The following SUGCT variants were observed in gnomAD, a reference collection of about 807,000 sequenced individuals.
SUGCT encodes the protein succinyl-CoA:glutarate-CoA transferase, also known as succinyl-CoA:glutarate CoA-transferase.
Under a neutral mutation model 55.0 loss-of-function variants are expected in SUGCT, and 41 were observed. The ratio of observed to expected loss-of-function variants is 0.74; its 90% CI spans 0.58 to 0.97. The LOEUF is 0.97. Among genes scored for constraint, SUGCT ranks in the 50% least tolerant of loss-of-function variants. The pLI, the probability that SUGCT is intolerant of heterozygous loss-of-function variation, is 0.00. For missense variants in SUGCT, 568 were observed against 547.8 expected, an observed-to-expected ratio of 1.04 and a Z score of -0.37; for synonymous variants, 187 against 200.4, an observed-to-expected ratio of 0.93 and a Z score of 0.56.
At chr7:40,703,545 A>G (rs563531073) in intron 12 of SUGCT, among the ~76,000 whole-genome samples, 1 of 152,310 alleles carries the variant, frequency 6.6e-6, no homozygotes, top group South Asian at 2.1e-4. Flanking sequence ...GAAAAGTGAT[A>G]AACTCCTTTC....
chr7:40,177,649 C>G (rs1784992846), intron 1 of SUGCT, among the ~76,000 whole-genome samples: 1 of 152,182 alleles, frequency 6.6e-6, no homozygotes, highest in Non-Finnish European at 1.5e-5. Flanking sequence ...TCCCATACCG[C>G]AATGCAAGTG....
At chr7:40,933,491 T>G in the SUGCT span, among the ~76,000 whole-genome samples, 1 of 152,194 alleles carries the variant, frequency 6.6e-6, no homozygotes, top group South Asian at 2.1e-4. Flanking sequence ...CCTTGCTAGG[T>G]TGGGGAAGTT....
In SUGCT at chr7:40,591,650, G is replaced by A. The variant is rs1194585049; in HGVS notation, c.1089+95264G>A. ...GTCAATCAATGCAGTAAACTTCATT[G>A]TTCTCTTATTTGAGGAAATTGCCAC... On this transcript the variant is annotated intron_variant, in intron 12 of 13. Coordinates refer to ENST00000335693, the MANE Select transcript of SUGCT (RefSeq NM_001193313.2). 3.3e-5 allele frequency among the ~76,000 whole-genome samples: 5 copies of A among 152,186 alleles called. No homozygotes were observed. In the East Asian group the frequency reaches 9.7e-4, roughly 29 times the overall value.
At chr7:40,700,626 G>C (rs1177301967) in intron 12 of SUGCT, among the ~76,000 whole-genome samples, 1 of 152,220 alleles carries the variant, frequency 6.6e-6, no homozygotes, top group Non-Finnish European at 1.5e-5. Context: ...CCTGGAAAAT[G>C]AAGAAACATA....
At chr7:40,901,315 C>G in the SUGCT span, among the ~76,000 whole-genome samples, 1 of 152,234 alleles carries the variant, frequency 6.6e-6, no homozygotes, top group Admixed American at 6.5e-5. Context: ...CTCCTGTTTT[C>G]TCACGAAGAT....
the SUGCT span, among the ~76,000 whole-genome samples, chr7:40,903,142 C>T: frequency 6.6e-6 from 1 of 151,680 alleles, no homozygotes; most frequent in Non-Finnish European, 1.5e-5. Flanking sequence ...AGTGATTCTT[C>T]TGCCTCAGCC....
At chr7:40,233,784 C>G (rs1165943267) in intron 6 of SUGCT, among the ~76,000 whole-genome samples, 1 of 152,056 alleles carries the variant, frequency 6.6e-6, no homozygotes, top group African/African-American at 2.4e-5. Flanking sequence ...CTTGTGTTAT[C>G]TAATCAAATT....
chr7:40,158,861 CA>C (rs1417246733), intron 1 of SUGCT, among the ~76,000 whole-genome samples: 1 of 151,900 alleles, frequency 6.6e-6, no homozygotes, highest in Non-Finnish European at 1.5e-5. Context: ...ATACATTTTG[CA>C]AAAAATGTGA....
intron 9 of SUGCT, among the ~76,000 whole-genome samples, chr7:40,445,344 C>G (rs978880820): frequency 6.6e-6 from 1 of 152,156 alleles, no homozygotes; most frequent in African/African-American, 2.4e-5. Flanking sequence ...GAAATACAAA[C>G]TACCATCAGA....
At chr7:40,944,434 A>G in the SUGCT span, among the ~76,000 whole-genome samples, 1 of 151,556 alleles carries the variant, frequency 6.6e-6, no homozygotes, top group African/African-American at 2.4e-5. Context: ...TAAGTCTTTA[A>G]TCCATCTTGA....
chr7:40,996,109 C>T, the SUGCT span, among the ~76,000 whole-genome samples: 3 of 152,182 alleles, frequency 2.0e-5, no homozygotes, highest in African/African-American at 7.2e-5. Flanking sequence ...CAGTGCTCAA[C>T]ATTTTTGGAA....
intron 12 of SUGCT, among the ~76,000 whole-genome samples, chr7:40,672,567 G>A (rs1434365397): frequency 6.6e-6 from 1 of 152,104 alleles, no homozygotes; most frequent in Non-Finnish European, 1.5e-5. Flanking sequence ...AGAAGGTGAG[G>A]ACAGAAAGGA....
At chr7:40,819,892 G>A (rs1049107303) in intron 13 of SUGCT, among the ~76,000 whole-genome samples, 6 of 152,254 alleles carry the variant, frequency 3.9e-5, no homozygotes, top group African/African-American at 1.4e-4. Flanking sequence ...ATGGTTTTAG[G>A]TCTAACATTT....
intron 1 of SUGCT, among the ~76,000 whole-genome samples, chr7:40,176,701 G>A (rs1194276334): frequency 2.0e-5 from 3 of 151,448 alleles, no homozygotes; most frequent in East Asian, 3.9e-4. Context: ...GGCCAGGCAC[G>A]GTGCCTCATG....
intron 12 of SUGCT, among the ~76,000 whole-genome samples, chr7:40,557,637 G>A (rs895200232): frequency 6.6e-6 from 1 of 151,998 alleles, no homozygotes; most frequent in African/African-American, 2.4e-5. Context: ...GCTGGGCATG[G>A]TGGCATGTGC....
At chr7:40,740,993 A>C (rs1366166593) in intron 12 of SUGCT, among the ~76,000 whole-genome samples, 1 of 152,166 alleles carries the variant, frequency 6.6e-6, no homozygotes, top group Non-Finnish European at 1.5e-5. Flanking sequence ...CTCATACATG[A>C]TAGCATCCTG....
intron 9 of SUGCT, among the ~76,000 whole-genome samples, chr7:40,337,098 A>G (rs1796756061): frequency 6.6e-6 from 1 of 152,218 alleles, no homozygotes; most frequent in South Asian, 2.1e-4. Flanking sequence ...GTTTGGTTGC[A>G]CTGTGGTCTG....
the SUGCT span, among the ~76,000 whole-genome samples, chr7:40,889,120 T>G: frequency 6.6e-6 from 1 of 152,218 alleles, no homozygotes; most frequent in Non-Finnish European, 1.5e-5. Context: ...GGTCCAGGAG[T>G]TAAGCTGTGC....
chr7:40,776,007 C>G (rs1789430979), intron 13 of SUGCT, among the ~76,000 whole-genome samples: 1 of 152,158 alleles, frequency 6.6e-6, no homozygotes, highest in Admixed American at 6.5e-5. Flanking sequence ...CTCACCTGAG[C>G]CCTTCCCCAT....
Sources: gnomAD v4.1 joint callset for allele counts (sites outside exome capture counted in the v4.1 genomes callset) on GRCh38, gnomAD v4.1.1 for gene constraint, MANE v1.5 for transcripts, NCBI Gene and HGNC (gene_info 2026-07-23, HGNC 2026-07-21) for gene names.